The following LINGO2 variants were observed in gnomAD, a reference collection of about 807,000 sequenced individuals.
The protein encoded by LINGO2 is leucine-rich repeat and immunoglobulin-like domain-containing nogo receptor-interacting protein 2.
LINGO2 carries 14 observed loss-of-function variants against 30.6 expected under a neutral mutation model. That is an observed-to-expected ratio of 0.46 (90% CI 0.30 to 0.72). The LOEUF is 0.72. Among genes scored for constraint, LINGO2 ranks in the 30% least tolerant of loss-of-function variants. The probability of loss-of-function intolerance (pLI) is 0.07; values close to 1 mark genes in which losing one functional copy is unlikely to be tolerated. For missense variants in LINGO2, 729 were observed against 751.7 expected (o/e 0.97, Z 0.35); for synonymous variants, 317 against 288.5 (o/e 1.10, Z -1.00).
intron 3 of LINGO2, among the ~76,000 whole-genome samples, chr9:28,296,484 A>T (rs1488990637): frequency 6.6e-6 from 1 of 152,146 alleles, no homozygotes. Context: ...AGGTGCAAAA[A>T]CTGATTTTAA....
chr9:28,522,354 C>A, intron 1 of LINGO2, among the ~76,000 whole-genome samples: 1 of 152,074 alleles, frequency 6.6e-6, no homozygotes, highest in East Asian at 1.9e-4. Flanking sequence ...TCAGAATTTC[C>A]TCTTTATAAA....
At chr9:28,886,591 T>G in the LINGO2 span, among the ~76,000 whole-genome samples, 3 of 152,176 alleles carry the variant, frequency 2.0e-5, no homozygotes, top group African/African-American at 7.2e-5. Context: ...TAATTTCTTT[T>G]GTTGCTTATT....
the LINGO2 span, among the ~76,000 whole-genome samples, chr9:29,062,818 A>G: frequency 1.4e-4 from 21 of 152,308 alleles, no homozygotes; most frequent in African/African-American, 4.6e-4. Context: ...GCATGATTAC[A>G]TATGTCACAT....
chr9:28,489,764 G>T (rs1049277082), intron 1 of LINGO2, among the ~76,000 whole-genome samples: 1 of 151,752 alleles, frequency 6.6e-6, no homozygotes, highest in African/African-American at 2.4e-5. Flanking sequence ...TGGGGGTGGT[G>T]GTGCGTGCCT....
chr9:28,850,840 C>T, the LINGO2 span, among the ~76,000 whole-genome samples: 1 of 152,004 alleles, frequency 6.6e-6, no homozygotes, highest in African/African-American at 2.4e-5. Flanking sequence ...GAGAGGAACA[C>T]TGATCAGAGA....
chr9:27,977,281 C>G (rs1027592954), intron 5 of LINGO2, among the ~76,000 whole-genome samples: 8 of 151,438 alleles, frequency 5.3e-5, no homozygotes, highest in African/African-American at 2.4e-5. Context: ...TGCTAAGTAT[C>G]TGAGAATTAA....
At chr9:28,910,268 T>C in the LINGO2 span, among the ~76,000 whole-genome samples, 2 of 152,138 alleles carry the variant, frequency 1.3e-5, no homozygotes, top group Middle Eastern at 3.4e-3. Flanking sequence ...AAACTACACA[T>C]AGCACAGTAT....
At chr9:27,987,167 T>G (rs1207710331) in intron 5 of LINGO2, among the ~76,000 whole-genome samples, 1 of 151,878 alleles carries the variant, frequency 6.6e-6, no homozygotes, top group Non-Finnish European at 1.5e-5. Context: ...TCTTCTAAAA[T>G]GAATAAAATT....
the LINGO2 span, among the ~76,000 whole-genome samples, chr9:29,037,250 AG>A: frequency 1.3e-5 from 2 of 151,870 alleles, no homozygotes; most frequent in East Asian, 3.9e-4. Flanking sequence ...ATTATAATTT[AG>A]TTTTGGATCA....
At chr9:29,084,652 A>G in the LINGO2 span, among the ~76,000 whole-genome samples, 1 of 151,884 alleles carries the variant, frequency 6.6e-6, no homozygotes, top group South Asian at 2.1e-4. Context: ...TACATCTCAT[A>G]CTAAGCATCC....
chr9:28,167,516 G>A (rs978606729), intron 4 of LINGO2, among the ~76,000 whole-genome samples: 1 of 152,188 alleles, frequency 6.6e-6, no homozygotes, highest in Non-Finnish European at 1.5e-5. Flanking sequence ...GAGTAGCTGT[G>A]ATTATAAGCA....
At chr9:29,083,018 A>T in the LINGO2 span, among the ~76,000 whole-genome samples, 821 of 152,316 alleles carry the variant, frequency 5.4e-3, 11 homozygotes, top group African/African-American at 0.019. Flanking sequence ...TGTGGAAGTC[A>T]GTGTGGCGAT....
intron 4 of LINGO2, among the ~76,000 whole-genome samples, chr9:28,238,084 A>G (rs1404740900): frequency 6.6e-6 from 1 of 152,090 alleles, no homozygotes; most frequent in Non-Finnish European, 1.5e-5. Context: ...AGGATACAAC[A>G]ATTTTAAATA....
chr9:28,538,963 C>T (rs1431251009), intron 1 of LINGO2, among the ~76,000 whole-genome samples: 2 of 151,772 alleles, frequency 1.3e-5, no homozygotes, highest in African/African-American at 4.8e-5. Context: ...ATAAAAAAAT[C>T]CATATATATT....
intron 4 of LINGO2, among the ~76,000 whole-genome samples, chr9:28,060,880 C>G (rs1380521987): frequency 6.6e-6 from 1 of 152,008 alleles, no homozygotes; most frequent in Admixed American, 6.6e-5. Flanking sequence ...CTTGGAAATG[C>G]CATGCTCCTT....
Position 28,188,527 on chromosome 9 carries a change from G to T in LINGO2, c.-87+106681C>A, listed in dbSNP as rs571104489. 2.6e-5 allele frequency among the ~76,000 whole-genome samples: 4 copies of T among 152,050 alleles called. No homozygotes were observed. The South Asian group carries it at 8.3e-4, about 32-fold the overall frequency. ...CTATCTTTCCTGCAATTTTGCCTGGGAAAAGCTCTGCTTCCGGAAAAAAAA... is the reference window on the plus strand; with the variant it reads ...CTATCTTTCCTGCAATTTTGCCTGGTAAAAGCTCTGCTTCCGGAAAAAAAA... On this transcript the variant is annotated intron_variant, in intron 4 of 5. Coordinates refer to ENST00000379992, the Ensembl canonical transcript of LINGO2.
At chr9:29,121,377 A>G in the LINGO2 span, among the ~76,000 whole-genome samples, 1 of 152,140 alleles carries the variant, frequency 6.6e-6, no homozygotes, top group East Asian at 1.9e-4. Context: ...GAAGTCAGAA[A>G]AATGAATTAA....
chr9:29,186,423 C>T, the LINGO2 span, among the ~76,000 whole-genome samples: 1 of 151,946 alleles, frequency 6.6e-6, no homozygotes, highest in Non-Finnish European at 1.5e-5. Context: ...ATATATAGAA[C>T]CAGGGATTAA....
chr9:28,138,155 C>G (rs1280694566), intron 4 of LINGO2, among the ~76,000 whole-genome samples: 4 of 152,120 alleles, frequency 2.6e-5, no homozygotes, highest in Non-Finnish European at 5.9e-5. Context: ...AAGGTTTGAG[C>G]CAAGGTTTGA....
Sources: allele counts gnomAD v4.1 joint callset (sites outside exome capture counted in the v4.1 genomes callset), GRCh38; gene constraint gnomAD v4.1.1; transcripts MANE v1.5; gene names NCBI Gene and HGNC (gene_info 2026-07-23, HGNC 2026-07-21).